The following ATXN1 variants were observed in gnomAD, a reference collection of about 807,000 sequenced individuals.
ATXN1 encodes ataxin-1.
In ATXN1, 8 loss-of-function variants were observed where a neutral mutation model predicts 56.4. That is an observed-to-expected ratio of 0.14 (90% CI 0.08 to 0.26). The LOEUF (loss-of-function observed/expected upper bound fraction) is 0.26, where lower values mean the gene tolerates loss of function less well. ATXN1 is among the 10% of genes least tolerant of loss of function. ATXN1 has a pLI of 1.00. For synonymous variants in ATXN1, 514 were observed against 494.6 expected, an observed-to-expected ratio of 1.04 and a Z score of -0.52; for missense variants, 987 against 1,106.5, an observed-to-expected ratio of 0.89 and a Z score of 1.53.
chr6:16,510,786 A>C (rs1331658261), intron 5 of ATXN1, among the ~76,000 whole-genome samples: 1 of 152,178 alleles, frequency 6.6e-6, no homozygotes, highest in African/African-American at 2.4e-5. Flanking sequence ...GGTATACAGA[A>C]AGCAGAAGGT....
intron 6 of ATXN1, among the ~76,000 whole-genome samples, chr6:16,367,630 T>A (rs1335469782): frequency 1.3e-5 from 2 of 152,170 alleles, no homozygotes; most frequent in East Asian, 3.9e-4. Context: ...TTCCTTCTTT[T>A]CCTTAGAAGT....
chr6:16,447,110 C>T (rs924887399), intron 6 of ATXN1, among the ~76,000 whole-genome samples: 1 of 152,144 alleles, frequency 6.6e-6, no homozygotes, highest in African/African-American at 2.4e-5. Flanking sequence ...AAGCCAGAGG[C>T]TTGTTGAATG....
intron 2 of ATXN1, among the ~76,000 whole-genome samples, chr6:16,681,592 AC>A (rs1758813969): frequency 6.6e-6 from 1 of 152,196 alleles, no homozygotes. Flanking sequence ...TACATCAAAG[AC>A]GCTGCTGCAC....
chr6:16,396,013 CAAAA>C (rs59358244), intron 6 of ATXN1, among the ~76,000 whole-genome samples: 932 of 42,236 alleles, frequency 0.022, 4 homozygotes, highest in Non-Finnish European at 0.03. Context: ...GACTCCGTCT[CAAAA>C]AAAAAAAAAA....
intron 4 of ATXN1, among the ~76,000 whole-genome samples, chr6:16,569,091 AC>A (rs1461766901): frequency 6.6e-6 from 1 of 152,194 alleles, no homozygotes; most frequent in Non-Finnish European, 1.5e-5. Flanking sequence ...CTTCTATCCC[AC>A]ACCTGGTTTC....
chr6:16,412,580 C>T (rs554068660), intron 6 of ATXN1, among the ~76,000 whole-genome samples: 1 of 152,192 alleles, frequency 6.6e-6, no homozygotes, highest in Non-Finnish European at 1.5e-5. Context: ...CAGGCTCCCC[C>T]ACTTCAATGG....
chr6:16,473,006 C>T (rs1470362365), intron 6 of ATXN1, among the ~76,000 whole-genome samples: 1 of 152,098 alleles, frequency 6.6e-6, no homozygotes, highest in Non-Finnish European at 1.5e-5. Flanking sequence ...TTCCTCTGTT[C>T]CCACAATTCC....
intron 4 of ATXN1, among the ~76,000 whole-genome samples, chr6:16,570,216 T>C (rs1384095599): frequency 6.6e-6 from 1 of 152,178 alleles, no homozygotes; most frequent in Non-Finnish European, 1.5e-5. Flanking sequence ...ACCGCTGAGA[T>C]TTTATAATAC....
intron 7 of ATXN1, among the ~76,000 whole-genome samples, chr6:16,318,357 C>T (rs179998): frequency 0.41 from 62,098 of 151,830 alleles, 12,908 homozygotes; most frequent in East Asian, 0.52. Context: ...TGTTTTTTGG[C>T]GAAATTATTA....
intron 6 of ATXN1, among the ~76,000 whole-genome samples, chr6:16,482,502 G>A (rs913711739): frequency 6.6e-6 from 1 of 152,110 alleles, no homozygotes; most frequent in Admixed American, 6.5e-5. Flanking sequence ...CTTTGATAAG[G>A]TAACTCAAGA....
intron 6 of ATXN1, among the ~76,000 whole-genome samples, chr6:16,461,517 A>C (rs1347674883): frequency 6.6e-6 from 1 of 152,224 alleles, no homozygotes; most frequent in Non-Finnish European, 1.5e-5. Flanking sequence ...AGAATAGGTC[A>C]CTATCCTGGA....
intron 6 of ATXN1, among the ~76,000 whole-genome samples, chr6:16,390,893 G>A (rs1758340529): frequency 1.3e-5 from 2 of 152,086 alleles, no homozygotes; most frequent in South Asian, 4.1e-4. Flanking sequence ...AGGCGTGGTG[G>A]CTCACGCCTG....
At chr6:16,610,382 T>C (rs1763082573) in intron 3 of ATXN1, among the ~76,000 whole-genome samples, 1 of 151,964 alleles carries the variant, frequency 6.6e-6, no homozygotes, top group African/African-American at 2.4e-5. Context: ...ATTTACCTTC[T>C]GGTGCAACTT....
At chr6:16,642,864 G>C (rs1763730439) in intron 3 of ATXN1, among the ~76,000 whole-genome samples, 1 of 152,210 alleles carries the variant, frequency 6.6e-6, no homozygotes, top group African/African-American at 2.4e-5. Context: ...ATAATTAATA[G>C]ACTATAGTAT....
chr6:16,418,720 C>T (rs1213051755), intron 6 of ATXN1, among the ~76,000 whole-genome samples: 2 of 117,898 alleles, frequency 1.7e-5, no homozygotes, highest in Non-Finnish European at 3.5e-5. Context: ...CCCCCCTCCC[C>T]CCACCCCACA....
intron 2 of ATXN1, among the ~76,000 whole-genome samples, chr6:16,730,304 G>A (rs980035923): frequency 3.3e-5 from 5 of 151,784 alleles, no homozygotes; most frequent in African/African-American, 1.2e-4. Flanking sequence ...ATTAATAAAT[G>A]GAAATGAACA....
At chr6:16,461,225 G>A (rs1407586122) in intron 6 of ATXN1, among the ~76,000 whole-genome samples, 1 of 152,250 alleles carries the variant, frequency 6.6e-6, no homozygotes, top group Non-Finnish European at 1.5e-5. Flanking sequence ...AGTACTCCCT[G>A]ATCGAAACAG....
At chr6:16,719,022 G>A (rs1759695429) in intron 2 of ATXN1, among the ~76,000 whole-genome samples, 1 of 152,134 alleles carries the variant, frequency 6.6e-6, no homozygotes, top group South Asian at 2.1e-4. Flanking sequence ...ATTTCCCGGG[G>A]ACTCTGTCTT....
intron 4 of ATXN1, among the ~76,000 whole-genome samples, chr6:16,557,186 G>C (rs963206694): frequency 2.2e-4 from 33 of 152,220 alleles, no homozygotes; most frequent in Middle Eastern, 3.4e-3. Context: ...AATTAGCCAG[G>C]TGTGGTGGCA....
Sources: gnomAD v4.1 joint callset for allele counts (sites outside exome capture counted in the v4.1 genomes callset) on GRCh38, gnomAD v4.1.1 for gene constraint, MANE v1.5 for transcripts, NCBI Gene and HGNC (gene_info 2026-07-23, HGNC 2026-07-21) for gene names.